TSHR: variants seen among roughly 807,000 people sequenced by gnomAD.
TSHR encodes the protein thyrotropin receptor.
In TSHR, 51 loss-of-function variants were observed where a neutral mutation model predicts 64.1. The observed-to-expected ratio is 0.80, with a 90% CI of 0.64 to 1.01. The LOEUF is 1.01. Ranked by LOEUF, TSHR falls within the 50% of genes least tolerant of loss-of-function variation. The pLI, the probability that TSHR is intolerant of heterozygous loss-of-function variation, is 0.00. For missense variants in TSHR, 877 were observed against 942.8 expected, an observed-to-expected ratio of 0.93 and a Z score of 0.91; for synonymous variants, 361 against 361.9, an observed-to-expected ratio of 1.00 and a Z score of 0.03.
chr14:81,127,841 C>A (rs1267415995), intron 8 of TSHR, among the ~76,000 whole-genome samples: 1 of 152,192 alleles, frequency 6.6e-6, no homozygotes, highest in East Asian at 1.9e-4. Context: ...GTTCCCCAGC[C>A]ACGTGGAACT....
intron 1 of TSHR, among the ~76,000 whole-genome samples, chr14:81,058,108 C>A (rs543346232): frequency 2.0e-5 from 3 of 152,220 alleles, no homozygotes; most frequent in African/African-American, 7.2e-5. Context: ...GCTCTCTTTA[C>A]ATTAACCATA....
chr14:81,064,791 G>C (rs1439208052), intron 2 of TSHR, among the ~76,000 whole-genome samples: 1 of 152,088 alleles, frequency 6.6e-6, no homozygotes, highest in African/African-American at 2.4e-5. Flanking sequence ...GGTGTAACTG[G>C]GACCAGGAGG....
chr14:81,000,374 A>C (rs1286251822), intron 1 of TSHR, among the ~76,000 whole-genome samples: 1 of 152,178 alleles, frequency 6.6e-6, no homozygotes. Context: ...GATTCGGATG[A>C]CCAGGATCAC....
chr14:80,997,011 C>G (rs1425820086), intron 1 of TSHR, among the ~76,000 whole-genome samples: 1 of 152,168 alleles, frequency 6.6e-6, no homozygotes, highest in Non-Finnish European at 1.5e-5. Context: ...ACTACCACCA[C>G]CACCACTACC....
chr14:81,046,893 C>G (rs1402732279), intron 1 of TSHR, among the ~76,000 whole-genome samples: 1 of 152,124 alleles, frequency 6.6e-6, no homozygotes, highest in African/African-American at 2.4e-5. Flanking sequence ...ACTTCACAGG[C>G]TGGAATACAA....
chr14:81,005,380 AAC>A (rs762162817), intron 1 of TSHR, among the ~76,000 whole-genome samples: 7 of 152,216 alleles, frequency 4.6e-5, no homozygotes, highest in Admixed American at 1.3e-4. Context: ...TTATAAAACA[AAC>A]ACACAAAAAC....
chr14:81,099,861 G>T (rs1293757549), intron 7 of TSHR, among the ~76,000 whole-genome samples: 1 of 152,220 alleles, frequency 6.6e-6, no homozygotes, highest in Admixed American at 6.5e-5. Context: ...GACTTCAAGA[G>T]ATTTTCAAAA....
intron 1 of TSHR, chr14:81,033,308 G>T (rs1207523742): frequency 2.5e-6 from 1 of 402,782 alleles, no homozygotes; most frequent in Non-Finnish European, 4.8e-6. Context: ...AGCTCCAAGA[G>T]TGAAGACACT....
chr14:81,011,294 T>G (rs575737893), intron 1 of TSHR, among the ~76,000 whole-genome samples: 18 of 152,224 alleles, frequency 1.2e-4, no homozygotes, highest in Admixed American at 9.8e-4. Context: ...GTAAAACCAT[T>G]CTGGTTAGTG....
At chr14:81,069,737 C>T (rs995445516) in intron 3 of TSHR, among the ~76,000 whole-genome samples, 5 of 152,136 alleles carry the variant, frequency 3.3e-5, no homozygotes, top group Admixed American at 6.5e-5. Flanking sequence ...GTGACTAGAT[C>T]AGCCCTTGCA....
chr14:81,085,024 C>T (rs1219605000), intron 3 of TSHR, among the ~76,000 whole-genome samples: 17 of 152,310 alleles, frequency 1.1e-4, no homozygotes, highest in Non-Finnish European at 1.5e-5. Context: ...TGCAGTGGCA[C>T]AATCTCAGCT....
intron 1 of TSHR, among the ~76,000 whole-genome samples, chr14:81,054,450 G>C (rs929458915): frequency 3.3e-5 from 5 of 152,338 alleles, no homozygotes; most frequent in African/African-American, 1.2e-4. Context: ...TTGGAACTGG[G>C]TAACAGGCAG....
chr14:81,010,739 C>A (rs754515433), intron 1 of TSHR, among the ~76,000 whole-genome samples: 3 of 152,040 alleles, frequency 2.0e-5, no homozygotes, highest in African/African-American at 7.3e-5. Flanking sequence ...GTCTTCTTAA[C>A]CTTAAAGACA....
intron 1 of TSHR, among the ~76,000 whole-genome samples, chr14:81,003,989 C>T (rs1889471413): frequency 6.6e-6 from 1 of 152,134 alleles, no homozygotes; most frequent in East Asian, 1.9e-4. Flanking sequence ...AGTGGCTTGA[C>T]CTTTTTGCCC....
At chr14:80,981,588 T>C (rs942713388) in intron 1 of TSHR, among the ~76,000 whole-genome samples, 2 of 152,102 alleles carry the variant, frequency 1.3e-5, no homozygotes, top group African/African-American at 4.8e-5. Flanking sequence ...ACATAGGTGG[T>C]GATGAGGTCT....
chr14:81,007,660 C>G (rs995002466), intron 1 of TSHR, among the ~76,000 whole-genome samples: 1 of 152,162 alleles, frequency 6.6e-6, no homozygotes, highest in Non-Finnish European at 1.5e-5. Flanking sequence ...ACTCTTTTCT[C>G]CTTCTTTCCA....
chr14:81,070,981 G>C (rs1478470846), intron 3 of TSHR, among the ~76,000 whole-genome samples: 1 of 152,254 alleles, frequency 6.6e-6, no homozygotes, highest in East Asian at 1.9e-4. Context: ...CAATATATGG[G>C]TAAATATAAA....
At chr14:81,029,930 T>G (rs1015932870) in intron 1 of TSHR, among the ~76,000 whole-genome samples, 2 of 152,216 alleles carry the variant, frequency 1.3e-5, no homozygotes, top group Non-Finnish European at 2.9e-5. Context: ...TACTTAACAC[T>G]GCACTTTGGA....
chr14:80,998,123 T>C lies in TSHR; in HGVS notation c.170+42273T>C, dbSNP rs570748481. 2.0e-3 allele frequency among the ~76,000 whole-genome samples: 306 copies of C among 152,322 alleles called. 1 individual carries two copies. The highest frequency in any genetic ancestry group is 5.9e-3 in the African/African-American group (247 of 41,580). On this transcript the variant is annotated intron_variant, in intron 1 of 9. Transcript: ENST00000298171. ...ATTTAAAAGGAAGAAATAGAATCCT[T>C]GCCTTGATCCAAGACAAAAGGACAA...
Sources: gnomAD v4.1 joint callset for allele counts (sites outside exome capture counted in the v4.1 genomes callset) on GRCh38, gnomAD v4.1.1 for gene constraint, MANE v1.5 for transcripts, NCBI Gene and HGNC (gene_info 2026-07-23, HGNC 2026-07-21) for gene names.